Variants in NDST4 observed in about 807,000 individuals in gnomAD.
NDST4 encodes the protein N-deacetylase and N-sulfotransferase 4.
In NDST4, 63 loss-of-function variants were observed where a neutral mutation model predicts 100.8. The ratio of observed to expected loss-of-function variants is 0.62; its 90% CI spans 0.51 to 0.77. The LOEUF (loss-of-function observed/expected upper bound fraction) is 0.77, where lower values mean the gene tolerates loss of function less well. Ranked by LOEUF, NDST4 falls within the 30% of genes least tolerant of loss-of-function variation. The probability of loss-of-function intolerance (pLI) is 0.00; values close to 1 mark genes in which losing one functional copy is unlikely to be tolerated. For missense variants in NDST4, 943 were observed against 1,018.4 expected (o/e 0.93, Z 1.01); for synonymous variants, 377 against 361.8 (o/e 1.04, Z -0.48).
At chr4:114,989,584 A>C (rs1726991022) in intron 2 of NDST4, among the ~76,000 whole-genome samples, 1 of 152,184 alleles carries the variant, frequency 6.6e-6, no homozygotes, top group South Asian at 2.1e-4. Context: ...AGTTTTGAGC[A>C]GATACATAAT....
At chr4:114,883,139 TTAAA>T (rs1724406732) in intron 6 of NDST4, among the ~76,000 whole-genome samples, 1 of 151,956 alleles carries the variant, frequency 6.6e-6, no homozygotes, top group Admixed American at 6.6e-5. Flanking sequence ...GTTCAAAAAC[TTAAA>T]TCAACATAAA....
At position 114,899,516 on chromosome 4, in the gene NDST4, C is replaced by G. The variant is rs1426533084; in HGVS notation, c.1537-28566G>C. On this transcript the variant is annotated intron_variant, in intron 6 of 13. Transcript: ENST00000264363. ...TAAGTTGAGAAAGTCTCAATCTATT[C>G]CTAGTTTACTGAAAGTTTTTTTTTT... Among the ~76,000 whole-genome samples the G allele has an allele frequency of 2.0e-5, 3 of 151,546 alleles. No individual in the cohort carries two copies. In the East Asian group the frequency reaches 5.9e-4, roughly 30 times the overall value.
Position 114,986,740 on chromosome 4 carries a change from C to T in NDST4, c.979-9466G>A, listed in dbSNP as rs1195602532. On this transcript the variant is annotated intron_variant, in intron 2 of 13. Transcript: ENST00000264363. ...ACCCTTCAAATGGTATCAGTTAGGG[C>T]ACTGGCATTTTTGTTTATAATTTAG... 2.8e-5 allele frequency among the ~76,000 whole-genome samples: 4 copies of T among 141,604 alleles called. No individual in the cohort carries two copies. In the East Asian group the frequency reaches 6.4e-4, roughly 23 times the overall value. The allele number at this position is 141,604 out of a possible 152,430, so 92.9% of individuals were successfully genotyped here.
intron 6 of NDST4, among the ~76,000 whole-genome samples, chr4:114,876,421 T>C (rs1306212239): frequency 1.3e-5 from 2 of 152,192 alleles, no homozygotes; most frequent in African/African-American, 2.4e-5. Context: ...ATTTTTCTTA[T>C]AAAAGGTAAT....
intron 11 of NDST4, among the ~76,000 whole-genome samples, chr4:114,838,541 C>T (rs1723352067): frequency 6.6e-6 from 1 of 152,090 alleles, no homozygotes; most frequent in South Asian, 2.1e-4. Context: ...AGCTGGAAAC[C>T]ATCATTGTCA....
At chr4:115,078,556 G>T (rs1180887635) in intron 1 of NDST4, among the ~76,000 whole-genome samples, 1 of 152,076 alleles carries the variant, frequency 6.6e-6, no homozygotes, top group Non-Finnish European at 1.5e-5. Flanking sequence ...TAAATGTGAT[G>T]ATTTAGGGTA....
chr4:114,936,840 C>T (rs1356925575), intron 5 of NDST4, among the ~76,000 whole-genome samples: 1 of 152,102 alleles, frequency 6.6e-6, no homozygotes, highest in African/African-American at 2.4e-5. Context: ...TTTTGAGTGC[C>T]TGAAAGCCAA....
chr4:114,912,546 A>G (rs912709457), intron 6 of NDST4, among the ~76,000 whole-genome samples: 2 of 152,202 alleles, frequency 1.3e-5, no homozygotes, highest in East Asian at 1.9e-4. Context: ...CTGAACAAGC[A>G]TAAAGCATGA....
intron 6 of NDST4, among the ~76,000 whole-genome samples, chr4:114,927,238 G>A (rs1725405249): frequency 1.3e-5 from 2 of 151,774 alleles, no homozygotes; most frequent in East Asian, 1.9e-4. Context: ...GTGTGTGTGT[G>A]TGTGTGTTTT....
chr4:115,088,648 G>T (rs541673405), intron 1 of NDST4, among the ~76,000 whole-genome samples: 1 of 150,084 alleles, frequency 6.7e-6, no homozygotes, highest in Non-Finnish European at 1.5e-5. Flanking sequence ...CCCCACTCCC[G>T]CCCCCAATCC....
chr4:114,858,595 C>G (rs1055411488), intron 7 of NDST4, among the ~76,000 whole-genome samples: 1 of 152,082 alleles, frequency 6.6e-6, no homozygotes, highest in African/African-American at 2.4e-5. Flanking sequence ...GTGCAGAGTC[C>G]AACAAATAGT....
intron 6 of NDST4, among the ~76,000 whole-genome samples, chr4:114,903,143 G>A (rs1418966401): frequency 3.3e-5 from 5 of 151,932 alleles, no homozygotes; most frequent in African/African-American, 4.8e-5. Flanking sequence ...TGTATGCTTC[G>A]TAATTTTTTC....
intron 2 of NDST4, among the ~76,000 whole-genome samples, chr4:115,011,759 A>G (rs1414754647): frequency 6.6e-6 from 1 of 151,972 alleles, no homozygotes; most frequent in Non-Finnish European, 1.5e-5. Flanking sequence ...CTTCCTCAAG[A>G]TAAAATAACT....
intron 2 of NDST4, among the ~76,000 whole-genome samples, chr4:115,052,566 T>G (rs1728605388): frequency 6.6e-6 from 1 of 152,016 alleles, no homozygotes; most frequent in East Asian, 1.9e-4. Flanking sequence ...ATCTTATGGT[T>G]TTATAAAGGG....
intron 1 of NDST4, among the ~76,000 whole-genome samples, chr4:115,104,188 C>T (rs1270864732): frequency 5.3e-5 from 8 of 152,090 alleles, no homozygotes; most frequent in Admixed American, 5.2e-4. Context: ...TTTATCAGCA[C>T]ATTTGTGGCA....
intron 2 of NDST4, among the ~76,000 whole-genome samples, chr4:115,051,529 C>T (rs1346682007): frequency 2.6e-5 from 4 of 152,030 alleles, no homozygotes; most frequent in African/African-American, 9.7e-5. Flanking sequence ...TCTTTCTGTG[C>T]TTGGCTTATT....
intron 7 of NDST4, among the ~76,000 whole-genome samples, chr4:114,865,585 T>C (rs1263217822): frequency 6.6e-6 from 1 of 152,236 alleles, no homozygotes; most frequent in Non-Finnish European, 1.5e-5. Context: ...AAAATTCAGT[T>C]TCCTTTTTCA....
chr4:115,042,179 A>G lies in NDST4; in HGVS notation c.978+33880T>C, dbSNP rs1728364945. 2.0e-5 allele frequency among the ~76,000 whole-genome samples: 3 copies of G among 152,124 alleles called. No homozygotes were observed. In the South Asian group the frequency reaches 6.2e-4, roughly 31 times the overall value. ...ACTACATGTCATTCTGATGAGTGTG[A>G]TGAAATATTGTGCTGCCCTGCTTCA... On this transcript the variant is annotated intron_variant, in intron 2 of 13. Coordinates refer to ENST00000264363, the MANE Select transcript of NDST4 (RefSeq NM_022569.3).
At chr4:114,890,271 G>T (rs548477378) in intron 6 of NDST4, among the ~76,000 whole-genome samples, 1 of 151,968 alleles carries the variant, frequency 6.6e-6, no homozygotes, top group African/African-American at 2.4e-5. Context: ...GGAGAATAAG[G>T]ATATTTATAA....
Sources: gnomAD v4.1 joint callset for allele counts (sites outside exome capture counted in the v4.1 genomes callset) on GRCh38, gnomAD v4.1.1 for gene constraint, MANE v1.5 for transcripts, NCBI Gene and HGNC (gene_info 2026-07-23, HGNC 2026-07-21) for gene names.